The following POLR2C variants were observed in gnomAD, a reference collection of about 807,000 sequenced individuals.
The protein encoded by POLR2C is RNA polymerase II subunit C, also known as DNA-directed RNA polymerase II subunit RPB3.
POLR2C carries 36 observed loss-of-function variants against 41.7 expected under a neutral mutation model. The ratio of observed to expected loss-of-function variants is 0.86; its 90% CI spans 0.66 to 1.14. The LOEUF (loss-of-function observed/expected upper bound fraction) is 1.14, where lower values mean the gene tolerates loss of function less well. Among genes scored for constraint, POLR2C ranks in the 50% most tolerant of loss-of-function variants. The pLI is 0.00. For synonymous variants in POLR2C, 133 were observed against 137.8 expected (o/e 0.96, Z 0.25); for missense variants, 260 against 350.4 (o/e 0.74, Z 2.06).
At chr16:57,467,444 AC>A (rs1308492977) in intron 4 of POLR2C, among the ~76,000 whole-genome samples, 3 of 152,258 alleles carry the variant, frequency 2.0e-5, no homozygotes, top group African/African-American at 7.2e-5. Flanking sequence ...ACATAAAGAT[AC>A]GCATGCTCTA....
In POLR2C at chr16:57,469,321, C is replaced by G; in HGVS notation, c.387+28C>G. The G allele has an allele frequency of 6.2e-7, 1 of 1,613,558 alleles. No homozygotes were observed. Among genetic ancestry groups the G allele is most frequent in the Admixed American group, 1.7e-5 (1 of 60,028 alleles). On this transcript the variant is annotated intron_variant, in intron 5 of 8. Coordinates refer to ENST00000219252, the MANE Select transcript of POLR2C (RefSeq NM_032940.3). This position sits in a 1 kb window ranked among gnomAD's most constrained non-coding sequence, Gnocchi z 5.8. ...CAGTGCGGGAGAGCATCCTCTTTTC[C>G]CTGGGATCTTTTCTCTTCTCTGGCT...
intron 2 of POLR2C, 24 bp downstream of exon 2, chr16:57,463,102 C>T: frequency 1.3e-6 from 2 of 1,590,488 alleles, no homozygotes; most frequent in African/African-American, 1.4e-5. Flanking sequence ...CTTCCTCGTT[C>T]CCGCGCCCAC....
In POLR2C at chr16:57,471,345, C is replaced by T. The variant is rs1567584958; in HGVS notation, c.*226C>T. The T allele has an allele frequency of 3.8e-6, 2 of 522,970 alleles. No individual in the cohort carries two copies. The highest frequency in any genetic ancestry group is 6.9e-6 in the Non-Finnish European group (2 of 291,718). 32.4% of individuals were successfully genotyped at this position (522,970 alleles called of 1,614,324 possible). On this transcript the variant is annotated 3_prime_UTR_variant, in exon 9 of 9. Transcript: ENST00000219252. The stretch of plus-strand genomic sequence containing the variant: ...GGCCCTGACTGCTGTTAATAATTGG[C>T]AGCAGTGCTCCCCAGATCCCAGAAG...
intron 4 of POLR2C, among the ~76,000 whole-genome samples, chr16:57,468,858 G>A (rs2146602772): frequency 6.6e-6 from 1 of 152,288 alleles, no homozygotes; most frequent in South Asian, 2.1e-4. Context: ...GGTTCTCTGA[G>A]GAAGAGTAGT....
rs1226814603 is a variant in POLR2C at position 57,469,469 on chromosome 16, G to A, written c.387+176G>A. 33 of 776,270 alleles carry A rather than the reference G, an allele frequency of 4.3e-5. No homozygotes were observed. The highest frequency in any genetic ancestry group is 6.8e-5 in the Non-Finnish European group (31 of 458,892). 48.1% of individuals were successfully genotyped at this position (776,270 alleles called of 1,614,324 possible). ...ATTCCTCTTGGGCATCGTTAGCATC[G>A]TTGGTGCTGCGCACCCTCTATCACC... is the stretch of plus-strand genomic sequence containing the variant. On this transcript the variant is annotated intron_variant, in intron 5 of 8. Coordinates refer to ENST00000219252, the MANE Select transcript of POLR2C (RefSeq NM_032940.3). The surrounding 1 kb of genome is among the most constrained non-coding windows in gnomAD (Gnocchi z 5.8).
chr16:57,466,325 T>A, intron 4 of POLR2C, 98 bp downstream of exon 4: 1 of 799,972 alleles, frequency 1.3e-6, no homozygotes, highest in Non-Finnish European at 2.1e-6. Flanking sequence ...TGAATACTGT[T>A]GTAGTTCTGG....
chr16:57,463,499 A>T (rs2030631400), intron 2 of POLR2C: 1 of 363,032 alleles, frequency 2.8e-6, no homozygotes, highest in Admixed American at 3.6e-5. Flanking sequence ...GGTAGTGAGC[A>T]TAGTACGCAA....
At chr16:57,464,504 T>C (rs1166400119) in intron 2 of POLR2C, among the ~76,000 whole-genome samples, 4 of 152,198 alleles carry the variant, frequency 2.6e-5, no homozygotes, top group Admixed American at 2.0e-4. Context: ...TTGTATGAAA[T>C]ACTTCAAGCA....
chr16:57,471,102 G>A lies in POLR2C; in HGVS notation c.811G>A (p.Val271Met). 6.2e-7 allele frequency: 1 copy of A among 1,614,092 alleles called. No individual in the cohort carries two copies. Among genetic ancestry groups the A allele is most frequent in the Non-Finnish European group, 8.5e-7 (1 of 1,179,946 alleles). ...ATTAAGCCACGAGATCCAGAGTGAT[G>A]TGCTAACCATAAATTAACTGCAGCT... ...TQLSHEIQSD[V>M]LTIN is the part of the protein sequence containing the mutation. The change falls in exon 9 of 9, where the codon GTG becomes ATG. Residue 271 changes from valine (V) to methionine (M), a missense_variant. Physicochemically the swap from Val to Met is conservative, Grantham distance 21. Transcript: ENST00000219252.
Position 57,469,428 on chromosome 16 carries a change from G to T in POLR2C, c.387+135G>T. On this transcript the variant is annotated intron_variant, in intron 5 of 8. Transcript: ENST00000219252. The surrounding 1 kb of genome is among the most constrained non-coding windows in gnomAD (Gnocchi z 5.8). Reference sequence around the variant, plus strand: ...ACCCTCTGCCTTAATCTGATCCCTAGAAGTGCTAATTCTGGATTCCTCTTG... The same window carrying T: ...ACCCTCTGCCTTAATCTGATCCCTATAAGTGCTAATTCTGGATTCCTCTTG... The T allele has an allele frequency of 1.0e-6, 1 of 988,782 alleles. No individual in the cohort carries two copies. The highest frequency in any genetic ancestry group is 1.6e-6 in the Non-Finnish European group (1 of 633,884). 61.3% of individuals were successfully genotyped at this position (988,782 alleles called of 1,614,324 possible).
At chr16:57,467,461 T>C (rs975510092) in intron 4 of POLR2C, among the ~76,000 whole-genome samples, 2 of 152,234 alleles carry the variant, frequency 1.3e-5, no homozygotes, top group African/African-American at 4.8e-5. Flanking sequence ...CTCTATCACC[T>C]AGCAGTTCCT....
At chr16:57,462,932 C>A (rs886085899) in intron 1 of POLR2C, 97 bp from the exon 2 acceptor site, 3 of 1,190,554 alleles carry the variant, frequency 2.5e-6, no homozygotes, top group Non-Finnish European at 3.6e-6. Flanking sequence ...CCAGAGCTGC[C>A]CCCCTGCACC....
chr16:57,471,488 C>G lies in POLR2C; in HGVS notation c.*369C>G, dbSNP rs1337499046. ...CAAAATGAGTCATTTTCAGTTGTAC[C>G]TTAGATGTCTGGTGTTGAGGATCAA... On this transcript the variant is annotated 3_prime_UTR_variant, in exon 9 of 9. Transcript: ENST00000219252. 1.1e-5 allele frequency: 2 copies of G among 179,510 alleles called. No individual in the cohort carries two copies. The highest frequency in any genetic ancestry group is 4.7e-5 in the African/African-American group (2 of 42,512). 11.1% of individuals were successfully genotyped at this position (179,510 alleles called of 1,614,324 possible).
chr16:57,462,903 G>T, intron 1 of POLR2C, 93 bp downstream of exon 1: 1 of 1,172,756 alleles, frequency 8.5e-7, no homozygotes, highest in Non-Finnish European at 1.2e-6. Flanking sequence ...TAGTGGGGTG[G>T]GGTGGGGGCG....
chr16:57,462,918 C>T (rs1048751519), intron 1 of POLR2C, 108 bp downstream of exon 1: 2 of 1,208,616 alleles, frequency 1.7e-6, no homozygotes, highest in South Asian at 1.3e-5. Flanking sequence ...GGGGCGATGT[C>T]CTTCCAGAGC....
chr16:57,463,378 T>A (rs560341702), intron 2 of POLR2C: 5 of 538,134 alleles, frequency 9.3e-6, no homozygotes, highest in African/African-American at 7.6e-5. Flanking sequence ...CAAAAGTTTT[T>A]AAAATGTTTT....
Position 57,469,301 on chromosome 16 carries a change from C to T in POLR2C, c.387+8C>T, listed in dbSNP as rs601194. On this transcript the variant is annotated splice_region_variant and intron_variant, in intron 5 of 8. Transcript: ENST00000219252. This position sits in a 1 kb window ranked among gnomAD's most constrained non-coding sequence, Gnocchi z 5.8. ...AGCCCCCGGGTCATTCCGGTCAGTG[C>T]GGGAGAGCATCCTCTTTTCCCTGGG... 823,896 of 1,613,052 alleles carry T rather than the reference C, an allele frequency of 0.51. 213,156 individuals are homozygous for T. The highest frequency in any genetic ancestry group is 0.53 in the Non-Finnish European group (627,015 of 1,179,228).
chr16:57,463,798 C>T (rs543428374), intron 2 of POLR2C: 33 of 344,006 alleles, frequency 9.6e-5, no homozygotes, highest in South Asian at 6.6e-4. Flanking sequence ...CAAAAATTAG[C>T]CAGGTGTGGT....
At chr16:57,463,889 G>A (rs2030640873) in intron 2 of POLR2C, 1 of 292,904 alleles carries the variant, frequency 3.4e-6, no homozygotes, top group South Asian at 2.6e-5. Flanking sequence ...GCAGTGAGCC[G>A]AGATCATGCC....
Sources: gnomAD v4.1 joint callset for allele counts (sites outside exome capture counted in the v4.1 genomes callset) on GRCh38, gnomAD v4.1.1 for gene constraint, Gnocchi (gnomAD v3.1) non-coding constraint, MANE v1.5 for transcripts, NCBI Gene and HGNC (gene_info 2026-07-23, HGNC 2026-07-21) for gene names.